Variants in KAZN observed in about 807,000 individuals in gnomAD.
KAZN encodes the protein kazrin, periplakin interacting protein, also known as kazrin.
KAZN carries 40 observed loss-of-function variants against 87.4 expected under a neutral mutation model. The ratio of observed to expected loss-of-function variants is 0.46; its 90% confidence interval spans 0.36 to 0.60. The LOEUF is 0.60. Among genes scored for constraint, KAZN ranks in the 20% least tolerant of loss-of-function variants. The pLI is 0.00. For synonymous variants in KAZN, 466 were observed against 458.3 expected (o/e 1.02, Z -0.22); for missense variants, 898 against 1,073.9 (o/e 0.84, Z 2.29).
chr1:14,841,405 C>CAAAAA (rs57248871), intron 1 of KAZN, among the ~76,000 whole-genome samples: 54 of 88,864 alleles, frequency 6.1e-4, no homozygotes, highest in Non-Finnish European at 9.4e-4. Context: ...GACTCCGTCT[C>CAAAAA]AAAAAAAAAA....
chr1:14,615,642 A>C (rs1379446176), intron 1 of KAZN, among the ~76,000 whole-genome samples: 1 of 149,514 alleles, frequency 6.7e-6, no homozygotes, highest in Non-Finnish European at 1.5e-5. Context: ...AAAAAAAAAG[A>C]GGAGCAGAGG....
intron 1 of KAZN, among the ~76,000 whole-genome samples, chr1:13,943,562 A>T (rs1017631223): frequency 6.6e-6 from 1 of 152,198 alleles, no homozygotes; most frequent in Non-Finnish European, 1.5e-5. Context: ...AATCTAGAGA[A>T]TGTATTCTAA....
intron 1 of KAZN, among the ~76,000 whole-genome samples, chr1:14,061,690 T>A (rs541967122): frequency 6.6e-6 from 1 of 152,222 alleles, no homozygotes; most frequent in Non-Finnish European, 1.5e-5. Context: ...CCCATCTTTT[T>A]CATCACAGTA....
intron 1 of KAZN, among the ~76,000 whole-genome samples, chr1:14,138,969 G>A (rs1557507078): frequency 6.6e-6 from 1 of 152,206 alleles, no homozygotes; most frequent in Non-Finnish European, 1.5e-5. Context: ...AAGAGGCATG[G>A]CCAGCACATG....
chr1:14,047,048 C>CCCATCTGT (rs1642107184), intron 1 of KAZN, among the ~76,000 whole-genome samples: 1 of 152,206 alleles, frequency 6.6e-6, no homozygotes, highest in South Asian at 2.1e-4. Context: ...TGTCTGTCCA[C>CCCATCTGT]CCATCTGTCC....
chr1:14,217,974 A>G (rs985584820), intron 2 of KAZN, among the ~76,000 whole-genome samples: 1 of 152,146 alleles, frequency 6.6e-6, no homozygotes, highest in Non-Finnish European at 1.5e-5. Context: ...AGGCAAACTC[A>G]ATGACTTGGA....
At chr1:14,066,585 A>G (rs1343806648) in intron 1 of KAZN, among the ~76,000 whole-genome samples, 3 of 152,194 alleles carry the variant, frequency 2.0e-5, no homozygotes, top group African/African-American at 7.2e-5. Flanking sequence ...TAACTACCAG[A>G]GAAAACCCTC....
chr1:14,335,781 A>AGG (rs1231174654), intron 2 of KAZN, among the ~76,000 whole-genome samples: 2 of 152,082 alleles, frequency 1.3e-5, no homozygotes, highest in Non-Finnish European at 2.9e-5. Context: ...AGAGAGAGAG[A>AGG]GGCAGAAATT....
At chr1:14,637,382 G>T (rs921956916) in intron 1 of KAZN, among the ~76,000 whole-genome samples, 2 of 152,312 alleles carry the variant, frequency 1.3e-5, no homozygotes, top group South Asian at 2.1e-4. Flanking sequence ...GGGGCCGGGA[G>T]GGGGCAGGTA....
intron 2 of KAZN, among the ~76,000 whole-genome samples, chr1:14,245,209 C>T (rs566699820): frequency 3.9e-5 from 6 of 151,970 alleles, no homozygotes; most frequent in Non-Finnish European, 5.9e-5. Context: ...AAGTCATCCT[C>T]CCACCTCGGC....
intron 2 of KAZN, among the ~76,000 whole-genome samples, chr1:14,534,072 G>A (rs1259945398): frequency 2.6e-5 from 4 of 152,080 alleles, no homozygotes; most frequent in Non-Finnish European, 5.9e-5. Flanking sequence ...AGTACCCAAT[G>A]AAACCCTTTC....
chr1:14,941,224 C>T (rs1661039079), intron 1 of KAZN, among the ~76,000 whole-genome samples: 1 of 152,106 alleles, frequency 6.6e-6, no homozygotes, highest in Admixed American at 6.5e-5. Context: ...CGTCTTCATT[C>T]ACCTTTTCTG....
chr1:14,132,438 C>T (rs1245677192), intron 1 of KAZN, among the ~76,000 whole-genome samples: 2 of 152,174 alleles, frequency 1.3e-5, no homozygotes, highest in Admixed American at 6.5e-5. Context: ...AAGTGACTGC[C>T]ACCACCAGCC....
chr1:13,893,353 T>G, exon 1 of KAZN: 1 of 239,668 alleles, frequency 4.2e-6, no homozygotes, highest in Non-Finnish European at 7.9e-6. Flanking sequence ...CCAGCCACCC[T>G]TCCGGGTCAA....
intron 1 of KAZN, among the ~76,000 whole-genome samples, chr1:13,898,792 T>A (rs538903676): frequency 2.0e-5 from 3 of 152,354 alleles, no homozygotes; most frequent in Admixed American, 2.0e-4. Flanking sequence ...CTGGTACCTA[T>A]TATCATGCTC....
chr1:14,300,518 G>A (rs1278570194), intron 2 of KAZN, among the ~76,000 whole-genome samples: 1 of 152,174 alleles, frequency 6.6e-6, no homozygotes, highest in Non-Finnish European at 1.5e-5. Context: ...TTACAGGCAT[G>A]AGCCACTGTG....
chr1:14,028,209 C>CCG (rs142498657), intron 1 of KAZN, among the ~76,000 whole-genome samples: 1 of 152,010 alleles, frequency 6.6e-6, no homozygotes, highest in African/African-American at 2.4e-5. Flanking sequence ...GTCTGGGAAA[C>CCG]TACGTAGGTG....
chr1:13,995,369 C>A (rs1264839817), intron 1 of KAZN, among the ~76,000 whole-genome samples: 1 of 152,058 alleles, frequency 6.6e-6, no homozygotes, highest in African/African-American at 2.4e-5. Context: ...GGATACAGAG[C>A]AAGATGCAAA....
chr1:14,395,680 T>C (rs980275154), intron 2 of KAZN, among the ~76,000 whole-genome samples: 2 of 152,154 alleles, frequency 1.3e-5, no homozygotes, highest in Admixed American at 1.3e-4. Context: ...AAGACTAGGG[T>C]ATCCTTGATC....
Sources: gnomAD v4.1 joint callset for allele counts (sites outside exome capture counted in the v4.1 genomes callset) on GRCh38, gnomAD v4.1.1 for gene constraint, MANE v1.5 for transcripts, NCBI Gene and HGNC (gene_info 2026-07-23, HGNC 2026-07-21) for gene names.